The following RB1 variants were observed in gnomAD, a reference collection of about 807,000 sequenced individuals.
RB1 encodes the protein RB transcriptional corepressor 1, also known as retinoblastoma-associated protein.
A neutral mutation model predicts 135.4 loss-of-function variants in RB1; 18 were observed. The observed-to-expected ratio is 0.13, with a 90% CI of 0.09 to 0.20. RB1 has a LOEUF of 0.20. Ranked by LOEUF, RB1 falls within the 10% of genes least tolerant of loss-of-function variation. RB1 has a pLI of 1.00. For missense variants in RB1, 868 were observed against 1,110.0 expected, an observed-to-expected ratio of 0.78 and a Z score of 3.10; for synonymous variants, 365 against 373.2, an observed-to-expected ratio of 0.98 and a Z score of 0.25.
At chr13:48,326,241 A>T (rs976304687) in intron 2 of RB1, among the ~76,000 whole-genome samples, 1 of 152,170 alleles carries the variant, frequency 6.6e-6, no homozygotes, top group Non-Finnish European at 1.5e-5. Context: ...AGCAAACAGT[A>T]TCCAAAATTA....
intron 4 of RB1, among the ~76,000 whole-genome samples, chr13:48,346,854 A>T (rs1952503211): frequency 6.6e-6 from 1 of 152,084 alleles, no homozygotes; most frequent in African/African-American, 2.4e-5. Context: ...TGTAAGGAGG[A>T]TGTATTACCT....
chr13:48,328,573 G>T (rs1045957855), intron 2 of RB1: 1 of 662,768 alleles, frequency 1.5e-6, no homozygotes, highest in Non-Finnish European at 2.8e-6. Context: ...TTCCCCCGCC[G>T]CATTGTTTTT....
rs61975677 is a variant in RB1 at position 48,336,311 on chromosome 13, C to G, written c.265-6288C>G. Reference sequence around the variant, plus strand: ...TAGAATTCGGCTGTGAATTCATCTGCTCCTGGACTTCTTTTGGTTGGTAGG... The same window carrying G: ...TAGAATTCGGCTGTGAATTCATCTGGTCCTGGACTTCTTTTGGTTGGTAGG... On this transcript the variant is annotated intron_variant, in intron 2 of 26. Transcript: ENST00000267163. Among the ~76,000 whole-genome samples the G allele has an allele frequency of 2.5e-3, 374 of 152,230 alleles. 2 individuals are homozygous for G. The highest frequency in any genetic ancestry group is 8.3e-3 in the African/African-American group (345 of 41,556).
At chr13:48,440,838 G>A (rs1424695423) in intron 17 of RB1, among the ~76,000 whole-genome samples, 3 of 152,044 alleles carry the variant, frequency 2.0e-5, no homozygotes, top group Non-Finnish European at 4.4e-5. Context: ...TGAACACATA[G>A]TTATCAGAGA....
At chr13:48,403,285 G>A (rs1948709923) in intron 17 of RB1, among the ~76,000 whole-genome samples, 3 of 152,234 alleles carry the variant, frequency 2.0e-5, no homozygotes, top group African/African-American at 2.4e-5. Context: ...TATCGGAAGA[G>A]CAGACTGAAC....
At chr13:48,333,735 GAAAA>G (rs369961896) in intron 2 of RB1, among the ~76,000 whole-genome samples, 1 of 133,678 alleles carries the variant, frequency 7.5e-6, no homozygotes, top group African/African-American at 2.7e-5. Context: ...AGAAAAAAAA[GAAAA>G]AAAAACAAAG....
chr13:48,472,244 T>G (rs943109567), intron 23 of RB1, among the ~76,000 whole-genome samples: 1 of 152,152 alleles, frequency 6.6e-6, no homozygotes, highest in Non-Finnish European at 1.5e-5. Context: ...CAGAAAATAT[T>G]TGCATGGTAT....
chr13:48,318,707 C>T (rs1232069132), intron 2 of RB1: 2 of 628,354 alleles, frequency 3.2e-6, no homozygotes, highest in African/African-American at 1.8e-5. Flanking sequence ...CTCTACGTTT[C>T]CTTTTGCAGC....
chr13:48,386,733 AAT>A (rs1431132695), intron 17 of RB1, among the ~76,000 whole-genome samples: 22 of 152,180 alleles, frequency 1.4e-4, no homozygotes, highest in Non-Finnish European at 2.8e-4. Context: ...ACAGAGTCCT[AAT>A]ATATAAAATA....
In RB1 at chr13:48,440,816, TAAA is replaced by T. The variant is rs371871028; in HGVS notation, c.1696-12174_1696-12172del. 9.1e-4 allele frequency among the ~76,000 whole-genome samples: 138 copies of T among 152,300 alleles called. 3 individuals carry two copies. The East Asian group carries it at 0.02, about 23-fold the overall frequency. On this transcript the variant is annotated intron_variant, in intron 17 of 26. Coordinates refer to ENST00000267163, the MANE Select transcript of RB1 (RefSeq NM_000321.3). Reference sequence around the variant, plus strand: ...TAATAAATAGAAAATGAAAGGAGCTTAAAAAGCAAATTGAACACATAGTTATCA... The same window carrying T: ...TAATAAATAGAAAATGAAAGGAGCTTAAGCAAATTGAACACATAGTTATCA...
intron 2 of RB1, among the ~76,000 whole-genome samples, chr13:48,313,745 CTTTTTTTT>C (rs56131979): frequency 9.8e-6 from 1 of 101,954 alleles, no homozygotes; most frequent in Non-Finnish European, 1.8e-5. Flanking sequence ...TATGTTTATT[CTTTTTTTT>C]TTTTTTTTTT....
At chr13:48,328,575 A>G in intron 2 of RB1, 1 of 662,326 alleles carries the variant, frequency 1.5e-6, no homozygotes, top group Non-Finnish European at 2.8e-6. Context: ...CCCCCGCCGC[A>G]TTGTTTTTTT....
chr13:48,463,976 TTTATA>T (rs1303001674), intron 21 of RB1, 141 bp downstream of exon 21: 3 of 568,446 alleles, frequency 5.3e-6, no homozygotes, highest in Non-Finnish European at 9.3e-6. Context: ...AATAAAAACT[TTTATA>T]TTATTTATTT....
rs1952604447 is a variant in RB1, at chr13:48,357,632, G to T, written c.608-2385G>T. Among the ~76,000 whole-genome samples, 3 of 151,992 alleles carry T rather than the reference G, an allele frequency of 2.0e-5. No individual in the cohort carries two copies. In the South Asian group the frequency reaches 6.2e-4, roughly 31 times the overall value. ...GATTAGCATCAGGTCTCTACAGGGA[G>T]GGGTACACTTAGTGATGTGATGGCT... On this transcript the variant is annotated intron_variant, in intron 6 of 26. Transcript: ENST00000267163.
At chr13:48,450,120 C>T (rs1462094459) in intron 17 of RB1, among the ~76,000 whole-genome samples, 1 of 150,132 alleles carries the variant, frequency 6.7e-6, no homozygotes, top group East Asian at 2.0e-4. Context: ...TGTGCAGAAG[C>T]TGTTGAATTT....
intron 17 of RB1, among the ~76,000 whole-genome samples, chr13:48,423,260 G>C (rs1949032121): frequency 6.6e-6 from 1 of 152,014 alleles, no homozygotes; most frequent in Non-Finnish European, 1.5e-5. Context: ...TGCTGGGTTG[G>C]GTTTTTGTTT....
rs1471942942 is a variant in RB1 at position 48,480,148 on chromosome 13, C to T, written c.*77C>T. The T allele has an allele frequency of 5.5e-6, 7 of 1,284,374 alleles. No homozygotes were observed. Among genetic ancestry groups the T allele is most frequent in the Non-Finnish European group, 7.9e-6 (7 of 889,392 alleles). 79.6% of individuals were successfully genotyped at this position (1,284,374 alleles called of 1,614,324 possible). A position where few individuals can be genotyped will look rare whatever the true frequency, so the allele number is the denominator to read the frequency against. On this transcript the variant is annotated 3_prime_UTR_variant, in exon 27 of 27. Transcript: ENST00000267163. ...TCACAGATGTGACTGTATAACTTTC[C>T]CAGGTTCTGTTTATGGCCACATTTA... is the stretch of plus-strand genomic sequence containing the variant.
At chr13:48,329,762 A>G (rs2138067055) in intron 2 of RB1, among the ~76,000 whole-genome samples, 1 of 152,242 alleles carries the variant, frequency 6.6e-6, no homozygotes, top group Admixed American at 6.5e-5. Flanking sequence ...GTTTAAGATA[A>G]TTTTCAGCAT....
intron 7 of RB1, among the ~76,000 whole-genome samples, chr13:48,361,300 G>A (rs1190511029): frequency 6.6e-6 from 1 of 152,040 alleles, no homozygotes; most frequent in Non-Finnish European, 1.5e-5. Flanking sequence ...TCAGCATGGG[G>A]TATTATTGAA....
Sources: gnomAD v4.1 joint callset for allele counts (sites outside exome capture counted in the v4.1 genomes callset) on GRCh38, gnomAD v4.1.1 for gene constraint, MANE v1.5 for transcripts, NCBI Gene and HGNC (gene_info 2026-07-23, HGNC 2026-07-21) for gene names.